MACROD2: variants seen among roughly 807,000 people sequenced by gnomAD.
MACROD2 encodes ADP-ribose glycohydrolase MACROD2.
In MACROD2, 36 loss-of-function variants were observed where a neutral mutation model predicts 70.4. The observed-to-expected ratio is 0.51, with a 90% CI of 0.39 to 0.68. MACROD2 has a LOEUF of 0.68. Ranked by LOEUF, MACROD2 falls within the 30% of genes least tolerant of loss-of-function variation. The probability of loss-of-function intolerance (pLI) is 0.00; values close to 1 mark genes in which losing one functional copy is unlikely to be tolerated. For synonymous variants in MACROD2, 172 were observed against 178.8 expected, an observed-to-expected ratio of 0.96 and a Z score of 0.30; for missense variants, 496 against 538.4, an observed-to-expected ratio of 0.92 and a Z score of 0.78.
chr20:14,859,289 T>C (rs903281847), intron 5 of MACROD2, among the ~76,000 whole-genome samples: 4 of 152,126 alleles, frequency 2.6e-5, no homozygotes, highest in African/African-American at 9.7e-5. Flanking sequence ...TCTATAAATG[T>C]TAATTATAGA....
chr20:15,479,422 G>A (rs1183522637), intron 7 of MACROD2, among the ~76,000 whole-genome samples: 3 of 151,116 alleles, frequency 2.0e-5, no homozygotes, highest in South Asian at 2.1e-4. Flanking sequence ...ACAGGCGCCC[G>A]CCACTACGCC....
intron 5 of MACROD2, among the ~76,000 whole-genome samples, chr20:14,885,209 A>G (rs1212891674): frequency 2.0e-5 from 3 of 152,166 alleles, no homozygotes; most frequent in African/African-American, 4.8e-5. Flanking sequence ...ATCTGATACT[A>G]TAGTTACCCA....
intron 5 of MACROD2, among the ~76,000 whole-genome samples, chr20:14,777,806 C>A (rs1444828728): frequency 6.6e-6 from 1 of 152,102 alleles, no homozygotes; most frequent in Non-Finnish European, 1.5e-5. Flanking sequence ...CTGACATCCT[C>A]CCATACCAAC....
intron 2 of MACROD2, among the ~76,000 whole-genome samples, chr20:14,022,319 TA>T (rs2053095198): frequency 6.6e-6 from 1 of 152,144 alleles, no homozygotes; most frequent in Admixed American, 6.5e-5. Context: ...TCAGTAAATA[TA>T]AAAATTATTT....
intron 2 of MACROD2, among the ~76,000 whole-genome samples, chr20:14,075,344 A>G (rs1601191409): frequency 6.6e-6 from 1 of 152,208 alleles, no homozygotes; most frequent in East Asian, 1.9e-4. Flanking sequence ...TGTGAGTGTG[A>G]GACATTAATA....
At chr20:15,729,174 A>C (rs990740256) in intron 8 of MACROD2, among the ~76,000 whole-genome samples, 1 of 151,946 alleles carries the variant, frequency 6.6e-6, no homozygotes, top group African/African-American at 2.4e-5. Context: ...ACATTGTTTA[A>C]TTTCCATGTT....
At chr20:15,000,112 A>G (rs1399571578) in intron 5 of MACROD2, among the ~76,000 whole-genome samples, 1 of 152,246 alleles carries the variant, frequency 6.6e-6, no homozygotes, top group East Asian at 1.9e-4. Flanking sequence ...GGTTTCTTTC[A>G]GATGAAAAAA....
At position 15,777,547 on chromosome 20, in the gene MACROD2, TTCCTTCCTTCCTTCCTTCC is replaced by T. The variant is rs2051747749; in HGVS notation, c.646-85196_646-85178del. Among the ~76,000 whole-genome samples, 3 of 126,530 alleles carry T rather than the reference TTCCTTCCTTCCTTCCTTCC, an allele frequency of 2.4e-5. No homozygotes were observed. In the South Asian group the frequency reaches 9.2e-4, roughly 39 times the overall value. 83.0% of individuals were successfully genotyped at this position (126,530 alleles called of 152,430 possible). Reference sequence around the variant, plus strand: ...CTTCCTTCCTTCCTTCCTTCCTTCCTTCCTTCCTTCCTTCCTTCCTTCCTTCCTTCTTTCCTTCCTTCCT... The same window carrying T: ...CTTCCTTCCTTCCTTCCTTCCTTCCTTTCCTTCCTTCTTTCCTTCCTTCCT... On this transcript the variant is annotated intron_variant, in intron 8 of 17. Coordinates refer to ENST00000684519, the MANE Select transcript of MACROD2 (RefSeq NM_001351661.2).
intron 5 of MACROD2, among the ~76,000 whole-genome samples, chr20:14,708,412 C>G (rs1351642814): frequency 6.6e-6 from 1 of 152,114 alleles, no homozygotes; most frequent in Non-Finnish European, 1.5e-5. Context: ...ACTTTGTTTA[C>G]AAAACTAGGT....
At chr20:15,770,367 C>T (rs1029534523) in intron 8 of MACROD2, among the ~76,000 whole-genome samples, 1 of 152,078 alleles carries the variant, frequency 6.6e-6, no homozygotes, top group Non-Finnish European at 1.5e-5. Context: ...ATCGTTGAAT[C>T]AGGACTAAGA....
intron 8 of MACROD2, among the ~76,000 whole-genome samples, chr20:15,710,562 T>G (rs2050611840): frequency 6.6e-6 from 1 of 152,216 alleles, no homozygotes; most frequent in African/African-American, 2.4e-5. Context: ...GAAGTTATAC[T>G]CTCATTTTAT....
chr20:14,564,544 G>A (rs1210153879), intron 4 of MACROD2, among the ~76,000 whole-genome samples: 1 of 151,888 alleles, frequency 6.6e-6, no homozygotes, highest in East Asian at 1.9e-4. Flanking sequence ...CAAAGGACAT[G>A]AACAGACATA....
intron 8 of MACROD2, among the ~76,000 whole-genome samples, chr20:15,682,137 T>C (rs976683938): frequency 6.6e-6 from 1 of 152,136 alleles, no homozygotes; most frequent in African/African-American, 2.4e-5. Flanking sequence ...CCTTGAGCCA[T>C]TTCCAAATGA....
chr20:15,544,655 C>T (rs907402431), intron 8 of MACROD2, among the ~76,000 whole-genome samples: 1 of 152,210 alleles, frequency 6.6e-6, no homozygotes, highest in Admixed American at 6.5e-5. Flanking sequence ...TCTTCTAGAA[C>T]TTAACTGACT....
At chr20:15,450,560 G>A (rs143474747) in intron 7 of MACROD2, among the ~76,000 whole-genome samples, 1 of 152,108 alleles carries the variant, frequency 6.6e-6, no homozygotes, top group Admixed American at 6.6e-5. Context: ...GTGTATGAAT[G>A]TGAGAGAATG....
chr20:14,733,744 G>T (rs2123706866), intron 5 of MACROD2, among the ~76,000 whole-genome samples: 1 of 152,228 alleles, frequency 6.6e-6, no homozygotes, highest in East Asian at 1.9e-4. Flanking sequence ...AAATAGGCAG[G>T]GGTTTTTTTT....
At chr20:15,585,180 C>G (rs957535268) in intron 8 of MACROD2, among the ~76,000 whole-genome samples, 11 of 150,306 alleles carry the variant, frequency 7.3e-5, no homozygotes, top group Non-Finnish European at 1.5e-4. Flanking sequence ...CTGGAGGGTT[C>G]TTTTTTCTTC....
At chr20:15,818,152 C>A (rs1024664829) in intron 8 of MACROD2, among the ~76,000 whole-genome samples, 1 of 152,078 alleles carries the variant, frequency 6.6e-6, no homozygotes, top group African/African-American at 2.4e-5. Flanking sequence ...GTTCTTGGAC[C>A]TTCCTCAAGG....
Position 14,868,077 on chromosome 20 carries a change from C to T in MACROD2, c.418+183118C>T, listed in dbSNP as rs191353930. ...AGCATTATTCCTAGAAACATATTAG[C>T]CATTCTCTGCCAAAAGGACATTATC... On this transcript the variant is annotated intron_variant, in intron 5 of 17. Coordinates refer to ENST00000684519, the MANE Select transcript of MACROD2 (RefSeq NM_001351661.2). Among the ~76,000 whole-genome samples the T allele has an allele frequency of 4.6e-5, 7 of 152,114 alleles. No individual in the cohort carries two copies. The East Asian group carries it at 1.4e-3, about 29-fold the overall frequency.
Sources: gnomAD v4.1 joint callset for allele counts (sites outside exome capture counted in the v4.1 genomes callset) on GRCh38, gnomAD v4.1.1 for gene constraint, MANE v1.5 for transcripts, NCBI Gene and HGNC (gene_info 2026-07-23, HGNC 2026-07-21) for gene names.